Variants in GNAO1 observed in about 807,000 individuals in gnomAD.
The protein encoded by GNAO1 is guanine nucleotide-binding protein G(o) subunit alpha.
For missense variants in GNAO1, 166 were observed against 478.7 expected (o/e 0.35, Z 6.10); for synonymous variants, 164 against 180.7 (o/e 0.91, Z 0.74).
intron 2 of GNAO1, among the ~76,000 whole-genome samples, chr16:56,220,738 T>TTTGTTG (rs55730508): frequency 1.1e-4 from 17 of 151,340 alleles, no homozygotes; most frequent in African/African-American, 2.4e-4. Flanking sequence ...GCGTGGGTTT[T>TTTGTTG]TTGTTGTTGT....
chr16:56,354,812 T>G lies in GNAO1; in HGVS notation c.878-54T>G. On this transcript the variant is annotated intron_variant, in intron 7 of 8. Coordinates refer to ENST00000262493, the MANE Select transcript of GNAO1 (RefSeq NM_020988.3). The surrounding 1 kb of genome is among the most constrained non-coding windows in gnomAD (Gnocchi z 4.3). Reference sequence around the variant, plus strand: ...TCTTGTCTTCATGTCCCCAGCCCTGTCCACCCACAGCGCTCATCAGGGCCT... The same window carrying G: ...TCTTGTCTTCATGTCCCCAGCCCTGGCCACCCACAGCGCTCATCAGGGCCT... 1 of 1,127,512 alleles carries G rather than the reference T, an allele frequency of 8.9e-7. No individual in the cohort carries two copies. Among genetic ancestry groups the G allele is most frequent in the South Asian group, 1.3e-5 (1 of 76,248 alleles). 69.8% of individuals were successfully genotyped at this position (1,127,512 alleles called of 1,614,324 possible).
chr16:56,320,738 A>G (rs1362333598), intron 3 of GNAO1, among the ~76,000 whole-genome samples: 1 of 152,148 alleles, frequency 6.6e-6, no homozygotes, highest in Non-Finnish European at 1.5e-5. Flanking sequence ...CTGCACCTAT[A>G]CATCCGAGGA....
At chr16:56,263,418 C>T (rs533536915) in intron 2 of GNAO1, among the ~76,000 whole-genome samples, 76 of 152,246 alleles carry the variant, frequency 5.0e-4, no homozygotes, top group African/African-American at 1.3e-3. Flanking sequence ...ATGGAGCTCA[C>T]GTCGATATGT....
intron 2 of GNAO1, among the ~76,000 whole-genome samples, chr16:56,253,414 A>G (rs2036817487): frequency 6.6e-6 from 1 of 152,226 alleles, no homozygotes; most frequent in Admixed American, 6.5e-5. Context: ...CTTCTGGAAG[A>G]TGGGAGAAGA....
At position 56,356,499 on chromosome 16, in the gene GNAO1, C is replaced by T. The variant is rs1484803323; in HGVS notation, c.*425C>T. The stretch of plus-strand genomic sequence containing the variant: ...GGGGCTCCGGTGCGGTGCACTGGTC[C>T]GAGGAGTGTGCTCAGGCCGGGCTTT... On this transcript the variant is annotated 3_prime_UTR_variant, in exon 9 of 9. Transcript: ENST00000262493. 6.6e-6 allele frequency: 1 copy of T among 152,402 alleles called. No individual in the cohort carries two copies. The highest frequency in any genetic ancestry group is 1.9e-4 in the East Asian group (1 of 5,194). 9.4% of individuals were successfully genotyped at this position (152,402 alleles called of 1,614,324 possible).
At chr16:56,277,293 T>C (rs1369806924) in intron 3 of GNAO1, among the ~76,000 whole-genome samples, 1 of 152,152 alleles carries the variant, frequency 6.6e-6, no homozygotes, top group Non-Finnish European at 1.5e-5. Flanking sequence ...AAGGAAGCAC[T>C]TCTTCCTGGA....
chr16:56,346,678 G>A, intron 6 of GNAO1: 2 of 985,498 alleles, frequency 2.0e-6, no homozygotes, highest in Non-Finnish European at 2.4e-6. Context: ...TAGAGCTCAG[G>A]CACAAGAACA....
intron 5 of GNAO1, among the ~76,000 whole-genome samples, chr16:56,335,875 T>C (rs1330549721): frequency 1.3e-5 from 2 of 152,158 alleles, no homozygotes; most frequent in African/African-American, 4.8e-5. Context: ...GATCCCCTGA[T>C]TGATGGAATG....
In GNAO1 at chr16:56,298,846, C is replaced by T. The variant is rs573984002; in HGVS notation, c.303+22774C>T. Among the ~76,000 whole-genome samples the T allele has an allele frequency of 8.8e-5, 13 of 148,382 alleles. No individual in the cohort carries two copies. In the South Asian group the frequency reaches 2.8e-3, roughly 32 times the overall value. ...AGGAGAATGGTGTGAACCCGGTAGG[C>T]GGAGCTTGCAGTGAGCTGAGATCAT... On this transcript the variant is annotated intron_variant, in intron 3 of 8. Transcript: ENST00000262493.
intron 6 of GNAO1, chr16:56,344,231 G>T: frequency 1.5e-6 from 2 of 1,373,914 alleles, no homozygotes; most frequent in African/African-American, 2.9e-5. Context: ...CGGGAAGCTG[G>T]GGGGACAGGG....
chr16:56,230,857 T>TG (rs1446724082), intron 2 of GNAO1, among the ~76,000 whole-genome samples: 1 of 152,178 alleles, frequency 6.6e-6, no homozygotes, highest in Non-Finnish European at 1.5e-5. Context: ...ATCCAGCCCT[T>TG]GCATTTCTCA....
At chr16:56,241,083 G>A (rs1309356150) in intron 2 of GNAO1, among the ~76,000 whole-genome samples, 1 of 152,202 alleles carries the variant, frequency 6.6e-6, no homozygotes, top group Non-Finnish European at 1.5e-5. Context: ...GTGGGACCTC[G>A]AGAACCAAGC....
chr16:56,355,155 CCACT>C, intron 8 of GNAO1, 74 bp downstream of exon 8: 2 of 512,358 alleles, frequency 3.9e-6, no homozygotes, highest in Non-Finnish European at 6.7e-6. Flanking sequence ...CACACACACA[CCACT>C]AACAAATGCA....
intron 2 of GNAO1, among the ~76,000 whole-genome samples, chr16:56,248,410 G>A (rs1452843347): frequency 2.6e-5 from 4 of 152,188 alleles, no homozygotes; most frequent in African/African-American, 7.2e-5. Context: ...AGAATGGCGG[G>A]AGATACAAAA....
rs2037329970 is a variant in GNAO1, at chr16:56,300,053, ACGCACATGTGCTT to A, written c.303+23982_303+23994del. Among the ~76,000 whole-genome samples, 8 of 45,758 alleles carry A rather than the reference ACGCACATGTGCTT, an allele frequency of 1.7e-4. No homozygotes were observed. In the Admixed American group the frequency reaches 2.1e-3, roughly 12 times the overall value. 30.0% of individuals were successfully genotyped at this position (45,758 alleles called of 152,430 possible). A position where few individuals can be genotyped will look rare whatever the true frequency, so the allele number is the denominator to read the frequency against. ...TGTGTGTGTGCGCGCGCGCGCGCGCACGCACATGTGCTTGTGAGTGTGTCTGTGTCCACGTGTA... is the reference window on the plus strand; with the variant it reads ...TGTGTGTGTGCGCGCGCGCGCGCGCAGTGAGTGTGTCTGTGTCCACGTGTA... On this transcript the variant is annotated intron_variant, in intron 3 of 8. Coordinates refer to ENST00000262493, the MANE Select transcript of GNAO1 (RefSeq NM_020988.3).
intron 4 of GNAO1, among the ~76,000 whole-genome samples, chr16:56,329,516 A>G (rs2037668048): frequency 6.6e-6 from 1 of 152,146 alleles, no homozygotes; most frequent in Non-Finnish European, 1.5e-5. Flanking sequence ...ATCTCCAAGG[A>G]CATCCTCACT....
At chr16:56,341,584 C>T (rs4783935) in intron 6 of GNAO1, among the ~76,000 whole-genome samples, 28,394 of 152,258 alleles carry the variant, frequency 0.19, 3,000 homozygotes, top group South Asian at 0.29. Context: ...TCACACGGGG[C>T]TGCTGCAAGA....
chr16:56,332,521 C>G (rs558710160), intron 4 of GNAO1, among the ~76,000 whole-genome samples: 145 of 152,352 alleles, frequency 9.5e-4, no homozygotes, highest in African/African-American at 3.3e-3. Flanking sequence ...ATCTCTCTGA[C>G]TCTTCTGTTT....
At chr16:56,328,818 T>C (rs2037661337) in intron 4 of GNAO1, 27 bp downstream of exon 4, 4 of 1,610,048 alleles carry the variant, frequency 2.5e-6, no homozygotes, top group Non-Finnish European at 2.5e-6. Flanking sequence ...GCGCATGGCC[T>C]GGAGCCGGGC....
Sources: gnomAD v4.1 joint callset for allele counts (sites outside exome capture counted in the v4.1 genomes callset) on GRCh38, gnomAD v4.1.1 for gene constraint, Gnocchi (gnomAD v3.1) non-coding constraint, MANE v1.5 for transcripts, NCBI Gene and HGNC (gene_info 2026-07-23, HGNC 2026-07-21) for gene names.